NLRC4: variants seen among roughly 807,000 people sequenced by gnomAD.
NLRC4 encodes the protein NLR family CARD domain-containing protein 4.
NLRC4 carries 63 observed loss-of-function variants against 79.9 expected under a neutral mutation model. That is an observed-to-expected ratio of 0.79 (90% CI 0.64 to 0.97). The LOEUF (loss-of-function observed/expected upper bound fraction) is 0.97. Among genes scored for constraint, NLRC4 ranks in the 50% least tolerant of loss-of-function variants. The pLI is 0.00. For missense variants in NLRC4, 1,074 were observed against 1,215.2 expected (o/e 0.88, Z 1.73); for synonymous variants, 461 against 456.5 (o/e 1.01, Z -0.12).
chr2:32,225,043 C>T lies in NLRC4; in HGVS notation c.2783-278G>A, dbSNP rs139923102. Among the ~76,000 whole-genome samples, 971 of 151,754 alleles carry T rather than the reference C, an allele frequency of 6.4e-3. 13 individuals carry two copies. The highest frequency in any genetic ancestry group is 0.023 in the African/African-American group (939 of 41,416). ...ATATGTAAATGAATTACTTTTTTTT[C>T]CCCTTTTCCTTACTCCTAGGAAATG... On this transcript the variant is annotated intron_variant, in intron 8 of 8. Transcript: ENST00000402280.
chr2:32,233,345 A>ATTTTTTTT (rs1241686037), intron 8 of NLRC4, among the ~76,000 whole-genome samples: 1 of 63,748 alleles, frequency 1.6e-5, no homozygotes, highest in African/African-American at 7.5e-5. Context: ...ATATATATAT[A>ATTTTTTTT]TATATTTTTT....
At chr2:32,265,106 T>C (rs1294196510), upstream of NLRC4, among the ~76,000 whole-genome samples, 2 of 152,216 alleles carry the variant, frequency 1.3e-5, no homozygotes, top group Non-Finnish European at 2.9e-5. Context: ...TTCATTGCTG[T>C]TGAGTTACTT....
chr2:32,234,689 G>C (rs1235643933), intron 8 of NLRC4, among the ~76,000 whole-genome samples: 1 of 152,232 alleles, frequency 6.6e-6, no homozygotes, highest in Non-Finnish European at 1.5e-5. Flanking sequence ...ATGAGGAAGT[G>C]AGGCCTCCAG....
intron 4 of NLRC4, among the ~76,000 whole-genome samples, chr2:32,249,095 G>A (rs914401578): frequency 6.6e-6 from 1 of 152,164 alleles, no homozygotes; most frequent in Non-Finnish European, 1.5e-5. Flanking sequence ...AGGCCTAATT[G>A]TAATACATTT....
chr2:32,244,464 C>G (rs887779451), intron 4 of NLRC4, among the ~76,000 whole-genome samples: 13 of 151,976 alleles, frequency 8.6e-5, no homozygotes, highest in African/African-American at 3.1e-4. Context: ...TGCTTTCTCC[C>G]TAAGGTCAGG....
chr2:32,259,287 T>TTTTTTTTTTTTTTTTC (rs1283926253), intron 1 of NLRC4, among the ~76,000 whole-genome samples: 1 of 135,412 alleles, frequency 7.4e-6, no homozygotes, highest in African/African-American at 2.9e-5. Context: ...TTTTTTTTTT[T>TTTTTTTTTTTTTTTTC]TTTAGAGACA....
In NLRC4 at chr2:32,238,141, T is replaced by C; in HGVS notation, c.2512A>G (p.Lys838Glu). Residue 838 changes from lysine (K) to glutamate (E), a missense_variant, in exon 6 of 9, where the codon AAA becomes GAA. By Grantham distance (56) the Lys-to-Glu change is moderately conservative. Coordinates refer to ENST00000402280, the MANE Select transcript of NLRC4 (RefSeq NM_001199138.2). ...VSCCLSANAV[K>E]ILAQNLHNLV... ...TGGAAGCAACAGTTACCTAGGATTT[T>C]CACTGCATTTGCAGACAAGCAGCAG... 1 of 1,613,304 alleles carries C rather than the reference T, an allele frequency of 6.2e-7. No homozygotes were observed. The highest frequency in any genetic ancestry group is 8.5e-7 in the Non-Finnish European group (1 of 1,179,776).
In NLRC4 at chr2:32,249,006, A is replaced by C. The variant is rs1180815719; in HGVS notation, c.2257+601T>G. Among the ~76,000 whole-genome samples the C allele has an allele frequency of 5.3e-5, 8 of 152,278 alleles. No individual in the cohort carries two copies. The South Asian group carries it at 1.0e-3, about 20-fold the overall frequency. ...CTTTCTCCTGATCAGAGGACCACCA[A>C]CCACAGACTGGTTCTGGCTGGTTTA... On this transcript the variant is annotated intron_variant, in intron 4 of 8. Transcript: ENST00000402280.
At chr2:32,245,221 G>A (rs1200693871) in intron 4 of NLRC4, among the ~76,000 whole-genome samples, 1 of 145,732 alleles carries the variant, frequency 6.9e-6, no homozygotes, top group Non-Finnish European at 1.5e-5. Flanking sequence ...TGAGGTAAGA[G>A]AATCACTTGA....
At chr2:32,242,806 G>T (rs983371828) in intron 4 of NLRC4, among the ~76,000 whole-genome samples, 2 of 152,268 alleles carry the variant, frequency 1.3e-5, no homozygotes, top group East Asian at 1.9e-4. Flanking sequence ...CCGTGCTTTG[G>T]GGGGCAGAGG....
intron 4 of NLRC4, among the ~76,000 whole-genome samples, chr2:32,245,496 G>A (rs1197132379): frequency 2.6e-5 from 4 of 151,684 alleles, no homozygotes; most frequent in African/African-American, 7.3e-5. Context: ...GGGAGGAGGT[G>A]GAAATGGTTA....
chr2:32,253,035 A>G (rs1000237434), intron 2 of NLRC4, among the ~76,000 whole-genome samples: 3 of 151,906 alleles, frequency 2.0e-5, no homozygotes, highest in African/African-American at 7.3e-5. Flanking sequence ...AAAATTAAAT[A>G]TGCATATCAG....
rs1241346702 is a variant in NLRC4 at position 32,224,462 on chromosome 2, G to A, written c.*11C>T. 1.9e-6 allele frequency: 3 copies of A among 1,570,776 alleles called. No homozygotes were observed. The highest frequency in any genetic ancestry group is 2.6e-6 in the Non-Finnish European group (3 of 1,158,268). On this transcript the variant is annotated 3_prime_UTR_variant, in exon 9 of 9. Coordinates refer to ENST00000402280, the MANE Select transcript of NLRC4 (RefSeq NM_001199138.2). The stretch of plus-strand genomic sequence containing the variant: ...GTCCCAGAGCACTTACTGGCTTCGA[G>A]TACACTTTATTTAAGCAGTTACTAG...
At chr2:32,260,044 C>A (rs1174911949) in intron 1 of NLRC4, among the ~76,000 whole-genome samples, 1 of 151,978 alleles carries the variant, frequency 6.6e-6, no homozygotes, top group African/African-American at 2.4e-5. Flanking sequence ...GCCTGGCCAA[C>A]ATGGCGAAAC....
At chr2:32,244,381 T>A (rs1686880873) in intron 4 of NLRC4, among the ~76,000 whole-genome samples, 1 of 151,076 alleles carries the variant, frequency 6.6e-6, no homozygotes, top group Non-Finnish European at 1.5e-5. Flanking sequence ...AAAAAAAAAA[T>A]TCTCAGCAAC....
At chr2:32,244,684 C>A (rs188070835) in intron 4 of NLRC4, among the ~76,000 whole-genome samples, 24 of 152,124 alleles carry the variant, frequency 1.6e-4, no homozygotes, top group Non-Finnish European at 2.9e-4. Flanking sequence ...ACAAAAAAAA[C>A]CCTTCTAAAA....
intron 4 of NLRC4, among the ~76,000 whole-genome samples, chr2:32,247,567 GC>G: frequency 6.6e-6 from 1 of 151,112 alleles, no homozygotes; most frequent in Non-Finnish European, 1.5e-5. Context: ...ACCTGCCTCA[GC>G]CTTCCAATAT....
intron 8 of NLRC4, among the ~76,000 whole-genome samples, chr2:32,231,841 T>C (rs1019056768): frequency 2.0e-5 from 3 of 152,176 alleles, no homozygotes; most frequent in African/African-American, 7.2e-5. Flanking sequence ...ATTACAGGCG[T>C]GAGCCACCAC....
chr2:32,252,916 G>A (rs1687116488), intron 2 of NLRC4, among the ~76,000 whole-genome samples: 1 of 152,014 alleles, frequency 6.6e-6, no homozygotes, highest in Admixed American at 6.5e-5. Flanking sequence ...TACTTGGGAG[G>A]CTGAGGCAGG....
Sources: gnomAD v4.1 joint callset for allele counts (sites outside exome capture counted in the v4.1 genomes callset) on GRCh38, gnomAD v4.1.1 for gene constraint, MANE v1.5 for transcripts, NCBI Gene and HGNC (gene_info 2026-07-23, HGNC 2026-07-21) for gene names.